DNAJB1: variants seen among roughly 807,000 people sequenced by gnomAD.
DNAJB1 encodes dnaJ homolog subfamily B member 1.
Under a neutral mutation model 24.0 loss-of-function variants are expected in DNAJB1, and 14 were observed. That is an observed-to-expected ratio of 0.58 (90% CI 0.39 to 0.91). The LOEUF is 0.91. Ranked by LOEUF, DNAJB1 falls within the 40% of genes least tolerant of loss-of-function variation. The pLI, the probability that DNAJB1 is intolerant of heterozygous loss-of-function variation, is 0.00. For missense variants in DNAJB1, 517 were observed against 458.1 expected (o/e 1.13, Z -1.17); for synonymous variants, 262 against 174.4 (o/e 1.50, Z -3.96).
intron 1 of DNAJB1, among the ~76,000 whole-genome samples, chr19:14,558,789 G>C (rs2073820542): frequency 6.6e-6 from 1 of 152,052 alleles, no homozygotes; most frequent in African/African-American, 2.4e-5. Context: ...TGGCTCCGTG[G>C]GCTTCCTCAG....
intron 1 of DNAJB1, among the ~76,000 whole-genome samples, chr19:14,558,964 G>A (rs1171638873): frequency 6.6e-6 from 1 of 152,146 alleles, no homozygotes; most frequent in Non-Finnish European, 1.5e-5. Flanking sequence ...CCCCCTGTTG[G>A]CCTCAGGCCT....
chr19:14,559,316 A>G (rs1264183627), intron 1 of DNAJB1, among the ~76,000 whole-genome samples: 1 of 151,860 alleles, frequency 6.6e-6, no homozygotes, highest in East Asian at 1.9e-4. Context: ...GAGACCGGGT[A>G]CCCAGCAGCA....
upstream of DNAJB1, among the ~76,000 whole-genome samples, chr19:14,519,560 C>T (rs1018648455): frequency 6.6e-6 from 1 of 152,264 alleles, no homozygotes; most frequent in Admixed American, 6.5e-5. Flanking sequence ...CTTTACTGCC[C>T]TCTCAAGATC....
chr19:14,518,251 CG>C lies in DNAJB1; in HGVS notation c.98del (p.Pro33ArgfsTer40). 1 of 1,608,242 alleles carries C rather than the reference CG, an allele frequency of 6.2e-7. No individual in the cohort carries two copies. Among genetic ancestry groups the C allele is most frequent in the African/African-American group, 1.3e-5 (1 of 74,512 alleles). On this transcript the variant is annotated frameshift_variant, in exon 1 of 3. Coordinates refer to ENST00000254322, the MANE Select transcript of DNAJB1 (RefSeq NM_006145.3). LOFTEE classifies it high-confidence loss of function. ...AYRRQALRYH[P>X]DKNKEPGAEE... The stretch of plus-strand genomic sequence containing the variant: ...CGGCGCCGGGCTCCTTGTTCTTGTC[CG>C]GGTGGTAGCGCAGCGCCTGGCGGCG...
chr19:14,556,413 A>AAAACAAAAAC (rs2073724491), intron 1 of DNAJB1, among the ~76,000 whole-genome samples: 2 of 86,514 alleles, frequency 2.3e-5, no homozygotes, highest in Non-Finnish European at 6.4e-5. Context: ...TCTCTCAAAA[A>AAAACAAAAAC]AAAAACAAAA....
At chr19:14,525,434 T>A (rs1198737765) in intron 2 of DNAJB1, among the ~76,000 whole-genome samples, 1 of 151,896 alleles carries the variant, frequency 6.6e-6, no homozygotes, top group African/African-American at 2.4e-5. Context: ...AATGGATGAA[T>A]GGATAAACAA....
chr19:14,560,134 G>A (rs142652045), exon 1 of DNAJB1, among the ~76,000 whole-genome samples: 167 of 152,270 alleles, frequency 1.1e-3, no homozygotes, highest in African/African-American at 3.4e-3. Context: ...CCCTCCTGCC[G>A]CAGCCCGGCG....
intron 2 of DNAJB1, among the ~76,000 whole-genome samples, chr19:14,523,662 T>A (rs1182524716): frequency 1.4e-5 from 2 of 147,582 alleles, no homozygotes; most frequent in African/African-American, 5.1e-5. Context: ...CTGTCACCCA[T>A]GCTGGAGCAC....
chr19:14,547,031 T>C (rs1361705197), intron 1 of DNAJB1, among the ~76,000 whole-genome samples: 2 of 152,260 alleles, frequency 1.3e-5, no homozygotes, highest in African/African-American at 4.8e-5. Flanking sequence ...CATGATAGGG[T>C]AATCAGTGCT....
intron 1 of DNAJB1, among the ~76,000 whole-genome samples, chr19:14,539,140 A>ATTTTTTTTTTTTTTT (rs57801378): frequency 3.2e-5 from 3 of 92,532 alleles, no homozygotes; most frequent in African/African-American, 4.6e-5. Flanking sequence ...CGCCCGGCTA[A>ATTTTTTTTTTTTTTT]TTTTTTTTTT....
chr19:14,549,037 A>G (rs1405203436), intron 1 of DNAJB1, among the ~76,000 whole-genome samples: 4 of 152,056 alleles, frequency 2.6e-5, no homozygotes, highest in African/African-American at 9.7e-5. Context: ...CCATCCGCTT[A>G]AAAAGGTAAA....
intron 1 of DNAJB1, among the ~76,000 whole-genome samples, chr19:14,528,173 C>A (rs182427183): frequency 1.3e-5 from 2 of 151,798 alleles, no homozygotes; most frequent in Admixed American, 6.6e-5. Flanking sequence ...TGTGAGCCAC[C>A]GTGCCTGGCC....
exon 1 of DNAJB1, among the ~76,000 whole-genome samples, chr19:14,560,233 C>G (rs1978625): frequency 0.6 from 91,369 of 151,676 alleles, 28,539 homozygotes; most frequent in African/African-American, 0.77. Flanking sequence ...GAGCAGGGTA[C>G]GATTTCACCC....
At chr19:14,544,983 C>A in intron 1 of DNAJB1, 1 of 414,316 alleles carries the variant, frequency 2.4e-6, no homozygotes, top group South Asian at 1.7e-5. Context: ...ACTGCGGTGT[C>A]CTTTTCACTC....
chr19:14,541,771 G>A (rs948892635), intron 1 of DNAJB1, among the ~76,000 whole-genome samples: 3 of 151,940 alleles, frequency 2.0e-5, no homozygotes, highest in Non-Finnish European at 4.4e-5. Flanking sequence ...AGAGACCTGT[G>A]GACTTCTTTT....
chr19:14,522,539 C>G (rs1039872604), upstream of DNAJB1, among the ~76,000 whole-genome samples: 8 of 151,560 alleles, frequency 5.3e-5, no homozygotes, highest in Admixed American at 4.6e-4. Flanking sequence ...TGAGGTTTCC[C>G]GGCAGAAAAA....
intron 1 of DNAJB1, among the ~76,000 whole-genome samples, chr19:14,549,575 C>T (rs1424656340): frequency 6.6e-6 from 1 of 152,038 alleles, no homozygotes. Flanking sequence ...GATCCTCCTG[C>T]CCTGGCCTCC....
rs2072241450 is a variant in DNAJB1, at chr19:14,515,575, A to C, written c.*365T>G. The C allele has an allele frequency of 3.9e-6, 1 of 255,846 alleles. No individual in the cohort carries two copies. The highest frequency in any genetic ancestry group is 7.5e-6 in the Non-Finnish European group (1 of 132,482). 15.8% of individuals were successfully genotyped at this position (255,846 alleles called of 1,614,324 possible). On this transcript the variant is annotated 3_prime_UTR_variant, in exon 3 of 3. Transcript: ENST00000254322. ...CTGGGAATCAAGACTGCAGGTTGACATTATCTACCAGCCAGAAGCAAAAAG... is the reference window on the plus strand; with the variant it reads ...CTGGGAATCAAGACTGCAGGTTGACCTTATCTACCAGCCAGAAGCAAAAAG...
In DNAJB1 at chr19:14,516,481, C is replaced by A. The variant is rs779148550; in HGVS notation, c.777G>T (p.Arg259Ser). ...RDGSDVIYPA[R>S]ISLREALCGC... ...GGCACCTTACCTCCCGGAGGCTGATCCTGGCAGGATAAATGACATCAGAGC... is the reference window on the plus strand; with the variant it reads ...GGCACCTTACCTCCCGGAGGCTGATACTGGCAGGATAAATGACATCAGAGC... Residue 259 changes from arginine to serine, a missense_variant, in exon 2 of 3, where the codon AGG becomes AGT. Arg to Ser is a moderately radical substitution (Grantham distance 110). Coordinates refer to ENST00000254322, the MANE Select transcript of DNAJB1 (RefSeq NM_006145.3). 6.2e-7 allele frequency: 1 copy of A among 1,611,642 alleles called. No homozygotes were observed. Among genetic ancestry groups the A allele is most frequent in the African/African-American group, 1.3e-5 (1 of 74,964 alleles).
Sources: gnomAD v4.1 joint callset for allele counts (sites outside exome capture counted in the v4.1 genomes callset) on GRCh38, gnomAD v4.1.1 for gene constraint, MANE v1.5 for transcripts, NCBI Gene and HGNC (gene_info 2026-07-23, HGNC 2026-07-21) for gene names.